Variants in LRRC42 observed in about 807,000 individuals in gnomAD.
LRRC42 encodes the protein leucine-rich repeat-containing protein 42.
LRRC42 carries 43 observed loss-of-function variants against 44.3 expected under a neutral mutation model. That is an observed-to-expected ratio of 0.97 (90% confidence interval 0.76 to 1.25). The LOEUF (loss-of-function observed/expected upper bound fraction) is 1.25. Among genes scored for constraint, LRRC42 ranks in the 50% most tolerant of loss-of-function variants. LRRC42 has a pLI of 0.00. For missense variants in LRRC42, 540 were observed against 509.1 expected (o/e 1.06, Z -0.58); for synonymous variants, 207 against 195.2 (o/e 1.06, Z -0.50).
intron 5 of LRRC42, 147 bp downstream of exon 5, chr1:53,960,621 G>T (rs900901939): frequency 1.6e-6 from 1 of 627,014 alleles, no homozygotes; most frequent in Non-Finnish European, 2.7e-6. Flanking sequence ...ACAGGATTGA[G>T]GCCAAAGACT....
At position 53,946,537 on chromosome 1, in the gene LRRC42, G is replaced by GGTT. The variant is rs1352258392; in HGVS notation, c.-60_-59insTTG. 1.3e-5 allele frequency: 2 copies of GGTT among 152,062 alleles called. No individual in the cohort carries two copies. The highest frequency in any genetic ancestry group is 2.9e-5 in the Non-Finnish European group (2 of 68,036). 9.4% of individuals were successfully genotyped at this position (152,062 alleles called of 1,614,324 possible). ...CGAGGAGCTGCCGCTCGCTGCCCCG[G>GGTT]GCAGGGGCACAGGTAGGTGGCGGCC... On this transcript the variant is annotated 5_prime_UTR_variant, in exon 1 of 9. Coordinates refer to ENST00000371370, the MANE Select transcript of LRRC42 (RefSeq NM_001256409.2).
chr1:53,954,521 T>A (rs1281030173), intron 3 of LRRC42, among the ~76,000 whole-genome samples: 3 of 152,248 alleles, frequency 2.0e-5, no homozygotes, highest in Non-Finnish European at 4.4e-5. Flanking sequence ...GTTTTAAAAT[T>A]AGCAATACAT....
intron 2 of LRRC42, among the ~76,000 whole-genome samples, chr1:53,950,870 A>AT (rs933692847): frequency 2.0e-5 from 3 of 152,254 alleles, no homozygotes; most frequent in Admixed American, 2.0e-4. Context: ...AAGTTTCCAA[A>AT]GGCTAGAATA....
At chr1:53,946,657 G>T (rs1001535867) in intron 1 of LRRC42, 108 bp downstream of exon 1, 1 of 151,092 alleles carries the variant, frequency 6.6e-6, no homozygotes, top group Non-Finnish European at 1.5e-5. Context: ...GCCCCAGAGG[G>T]ACGGCGGGGC....
At chr1:53,957,984 T>C (rs1035269402) in intron 3 of LRRC42, among the ~76,000 whole-genome samples, 165 bp from the exon 4 acceptor site, 87 of 152,172 alleles carry the variant, frequency 5.7e-4, no homozygotes, top group African/African-American at 2.0e-3. Context: ...CATTTACTAA[T>C]TAAAAAATTC....
chr1:53,953,349 T>C (rs1412993353), intron 3 of LRRC42, among the ~76,000 whole-genome samples: 1 of 152,206 alleles, frequency 6.6e-6, no homozygotes, highest in East Asian at 1.9e-4. Context: ...TTATCATCAA[T>C]ACTTGTAGAT....
rs541947481 is a variant in LRRC42, at chr1:53,953,232, T to C, written c.473+760T>C. 4.6e-5 allele frequency among the ~76,000 whole-genome samples: 7 copies of C among 152,240 alleles called. No individual in the cohort carries two copies. The South Asian group carries it at 1.4e-3, about 31-fold the overall frequency. ...TTTTTAAAATACCATTCCAGAGATA[T>C]TCTATACACATACATGCTTATGTAG... On this transcript the variant is annotated intron_variant, in intron 3 of 8. Transcript: ENST00000371370.
At chr1:53,960,667 C>T (rs1219155547) in intron 5 of LRRC42, among the ~76,000 whole-genome samples, 193 bp downstream of exon 5, 1 of 152,178 alleles carries the variant, frequency 6.6e-6, no homozygotes, top group Non-Finnish European at 1.5e-5. Context: ...CTAGCACATA[C>T]CACCTCTTTA....
intron 2 of LRRC42, 54 bp from the exon 3 acceptor site, chr1:53,951,932 A>G (rs1465650649): frequency 4.2e-5 from 57 of 1,345,852 alleles, no homozygotes; most frequent in South Asian, 1.1e-4. Flanking sequence ...ATGAAGTTAC[A>G]TGTTACAAAT....
chr1:53,951,913 C>A, intron 2 of LRRC42, 73 bp from the exon 3 acceptor site: 1 of 1,207,604 alleles, frequency 8.3e-7, no homozygotes, highest in Non-Finnish European at 1.2e-6. Context: ...AAGCCCTGGG[C>A]ACAGCAAGAT....
intron 4 of LRRC42, 151 bp from the exon 5 acceptor site, chr1:53,960,205 G>T (rs1468167769): frequency 1.7e-6 from 1 of 585,524 alleles, no homozygotes. Flanking sequence ...CAGCCCAAAA[G>T]AGCTTAACTT....
intron 2 of LRRC42, among the ~76,000 whole-genome samples, chr1:53,950,444 TC>T (rs2100916562): frequency 6.6e-6 from 1 of 152,322 alleles, no homozygotes; most frequent in South Asian, 2.1e-4. Context: ...TAGTACTGAT[TC>T]CCACACACAG....
At chr1:53,948,371 A>G (rs958819190) in intron 2 of LRRC42, among the ~76,000 whole-genome samples, 1 of 152,198 alleles carries the variant, frequency 6.6e-6, no homozygotes, top group Non-Finnish European at 1.5e-5. Context: ...GTAGTTATCA[A>G]TAATTTTGTC....
chr1:53,962,958 A>G (rs1655036712), intron 7 of LRRC42, among the ~76,000 whole-genome samples: 1 of 152,132 alleles, frequency 6.6e-6, no homozygotes, highest in Non-Finnish European at 1.5e-5. Context: ...CACTTGGTAG[A>G]GTACAGACTT....
At position 53,952,383 on chromosome 1, in the gene LRRC42, C is replaced by G. The variant is rs772105578; in HGVS notation, c.384C>G (p.Phe128Leu). ...LFSAAEARQKFTEPGAGLRAL... is the reference protein window; with the variant it reads ...LFSAAEARQKLTEPGAGLRAL... ...CTGCTGCTGAAGCCAGACAGAAATT[C>G]ACTGAGCCAGGTGCAGGGCTGAGGG... Residue 128 changes from phenylalanine to leucine, a missense_variant, in exon 3 of 9, where the codon TTC (phenylalanine) becomes TTG (leucine). Physicochemically the swap from Phe to Leu is conservative, Grantham distance 22. Coordinates refer to ENST00000371370, the MANE Select transcript of LRRC42 (RefSeq NM_001256409.2). 6.2e-7 allele frequency: 1 copy of G among 1,614,012 alleles called. No homozygotes were observed. Among genetic ancestry groups the G allele is most frequent in the Admixed American group, 1.7e-5 (1 of 60,028 alleles).
intron 3 of LRRC42, among the ~76,000 whole-genome samples, chr1:53,953,833 G>C (rs913421986): frequency 6.6e-6 from 1 of 151,922 alleles, no homozygotes; most frequent in African/African-American, 2.4e-5. Context: ...CCAGGTTCAG[G>C]CAATTCTCCT....
chr1:53,947,068 G>A (rs1015002064), intron 1 of LRRC42, among the ~76,000 whole-genome samples: 12 of 151,468 alleles, frequency 7.9e-5, no homozygotes, highest in African/African-American at 2.9e-4. Flanking sequence ...AGCCCCTAGA[G>A]TGGGAAGAAG....
intron 3 of LRRC42, 130 bp downstream of exon 3, chr1:53,952,602 A>G: frequency 1.5e-6 from 1 of 672,252 alleles, no homozygotes; most frequent in Non-Finnish European, 2.4e-6. Flanking sequence ...AATATGAAGT[A>G]AAAGACCATA....
intron 7 of LRRC42, among the ~76,000 whole-genome samples, chr1:53,964,373 C>T (rs576134996): frequency 6.6e-6 from 1 of 152,218 alleles, no homozygotes; most frequent in Non-Finnish European, 1.5e-5. Context: ...GCTGTCCTTG[C>T]GAGGATGACT....
Sources: gnomAD v4.1 joint callset for allele counts (sites outside exome capture counted in the v4.1 genomes callset) on GRCh38, gnomAD v4.1.1 for gene constraint, MANE v1.5 for transcripts, NCBI Gene and HGNC (gene_info 2026-07-23, HGNC 2026-07-21) for gene names.